The following FRMD5 variants were observed in gnomAD, a reference collection of about 807,000 sequenced individuals.
FRMD5 encodes FERM domain-containing protein 5.
FRMD5 carries 20 observed loss-of-function variants against 69.0 expected under a neutral mutation model. The observed-to-expected ratio is 0.29, with a 90% CI of 0.20 to 0.42. FRMD5 has a LOEUF of 0.42. Ranked by LOEUF, FRMD5 falls within the 10% of genes least tolerant of loss-of-function variation. FRMD5 has a pLI of 1.00. For synonymous variants in FRMD5, 271 were observed against 260.1 expected, an observed-to-expected ratio of 1.04 and a Z score of -0.40; for missense variants, 595 against 708.6, an observed-to-expected ratio of 0.84 and a Z score of 1.82.
intron 1 of FRMD5, among the ~76,000 whole-genome samples, chr15:43,959,068 A>G (rs1461914220): frequency 6.6e-6 from 1 of 152,218 alleles, no homozygotes; most frequent in Admixed American, 6.5e-5. Flanking sequence ...TCCCCCACAG[A>G]TTACTGTGCT....
chr15:44,007,777 C>G (rs900201921), intron 1 of FRMD5, among the ~76,000 whole-genome samples: 18 of 151,174 alleles, frequency 1.2e-4, no homozygotes, highest in African/African-American at 4.4e-4. Flanking sequence ...TCCCAAGTAG[C>G]TGGGATTATA....
At chr15:44,011,298 T>A (rs1437218126) in intron 1 of FRMD5, among the ~76,000 whole-genome samples, 1 of 151,250 alleles carries the variant, frequency 6.6e-6, no homozygotes, top group Non-Finnish European at 1.5e-5. Context: ...ATTAATACGG[T>A]AGTAGTGAAG....
intron 4 of FRMD5, among the ~76,000 whole-genome samples, chr15:43,915,301 A>G (rs1333748205): frequency 6.6e-6 from 1 of 152,228 alleles, no homozygotes; most frequent in African/African-American, 2.4e-5. Flanking sequence ...GACAGAGACC[A>G]TATGGCCCGA....
intron 4 of FRMD5, among the ~76,000 whole-genome samples, chr15:43,916,888 C>T (rs961510879): frequency 6.6e-6 from 1 of 151,664 alleles, no homozygotes; most frequent in African/African-American, 2.4e-5. Context: ...AAGCGATTCT[C>T]CTGTCTCAGC....
chr15:43,876,501 A>T (rs1188679539), intron 13 of FRMD5, among the ~76,000 whole-genome samples: 1 of 152,160 alleles, frequency 6.6e-6, no homozygotes, highest in East Asian at 1.9e-4. Context: ...GGCAACATAG[A>T]CACTGTAACT....
At chr15:44,129,009 A>C (rs1221933158) in intron 1 of FRMD5, among the ~76,000 whole-genome samples, 1 of 152,196 alleles carries the variant, frequency 6.6e-6, no homozygotes, top group Non-Finnish European at 1.5e-5. Flanking sequence ...TTACACAGTC[A>C]ACAGCACTGG....
At chr15:43,980,502 T>C (rs2090531963) in intron 1 of FRMD5, among the ~76,000 whole-genome samples, 1 of 152,234 alleles carries the variant, frequency 6.6e-6, no homozygotes. Context: ...TTAGATGCTT[T>C]CTTGCCTCTG....
intron 4 of FRMD5, among the ~76,000 whole-genome samples, chr15:43,912,863 CAAAA>C (rs566290726): frequency 1.4e-4 from 14 of 99,598 alleles, no homozygotes; most frequent in East Asian, 5.5e-4. Context: ...ACTAAAAATA[CAAAA>C]AAAAAAAAAA....
At chr15:43,919,363 A>G in intron 4 of FRMD5, 96 bp downstream of exon 4, 1 of 992,816 alleles carries the variant, frequency 1.0e-6, no homozygotes, top group Non-Finnish European at 1.6e-6. Flanking sequence ...TCTAAGAGTT[A>G]GGCGCTTCCA....
intron 1 of FRMD5, among the ~76,000 whole-genome samples, chr15:44,086,048 G>T (rs1260093057): frequency 6.6e-6 from 1 of 152,054 alleles, no homozygotes; most frequent in East Asian, 1.9e-4. Flanking sequence ...AACCAAGAGG[G>T]CCTGAAGACT....
At position 43,873,632 on chromosome 15, in the gene FRMD5, TGAGAAACA is replaced by T; in HGVS notation, c.*245_*252del. ...AAAATTATCCTGCAAATTGGAAAGA[TGAGAAACA>T]GAGTCGCTGAGCCTTTCTTGAAATA... On this transcript the variant is annotated 3_prime_UTR_variant, in exon 14 of 14. Coordinates refer to ENST00000417257, the MANE Select transcript of FRMD5 (RefSeq NM_032892.5). 1 of 1,475,582 alleles carries T rather than the reference TGAGAAACA, an allele frequency of 6.8e-7. No homozygotes were observed. The highest frequency in any genetic ancestry group is 8.9e-7 in the Non-Finnish European group (1 of 1,122,246). 91.4% of individuals were successfully genotyped at this position (1,475,582 alleles called of 1,614,324 possible). A position where few individuals can be genotyped will look rare whatever the true frequency, so the allele number is the denominator to read the frequency against.
chr15:43,972,075 AATATAT>A (rs140728846), intron 1 of FRMD5, among the ~76,000 whole-genome samples: 3 of 146,348 alleles, frequency 2.0e-5, no homozygotes, highest in Non-Finnish European at 3.0e-5. Flanking sequence ...CTTATATATA[AATATAT>A]ATATATATAA....
chr15:44,056,751 G>A (rs1260994758), intron 1 of FRMD5, among the ~76,000 whole-genome samples: 2 of 152,100 alleles, frequency 1.3e-5, no homozygotes, highest in Non-Finnish European at 2.9e-5. Flanking sequence ...CACTCTCTTG[G>A]CAAGTGTGTC....
Position 44,068,804 on chromosome 15 carries a change from G to A in FRMD5, c.102+126149C>T, listed in dbSNP as rs1893415464. ...AGCAAGTTTAGATGACCTGTATTTT[G>A]TTCCAGATCTATTCAGAATGGAATC... On this transcript the variant is annotated intron_variant, in intron 1 of 13. Transcript: ENST00000417257. Among the ~76,000 whole-genome samples the A allele has an allele frequency of 2.0e-5, 3 of 152,144 alleles. No homozygotes were observed. The South Asian group carries it at 6.2e-4, about 31-fold the overall frequency.
chr15:43,961,785 C>A (rs977158736), intron 1 of FRMD5, among the ~76,000 whole-genome samples: 11 of 152,144 alleles, frequency 7.2e-5, no homozygotes, highest in Non-Finnish European at 1.3e-4. Flanking sequence ...AGCATATAAA[C>A]AGAACCAAAG....
intron 1 of FRMD5, among the ~76,000 whole-genome samples, chr15:44,138,227 T>C (rs963294053): frequency 1.3e-5 from 2 of 151,784 alleles, no homozygotes; most frequent in Admixed American, 6.6e-5. Flanking sequence ...AAAATGAAAA[T>C]AATAAAACAA....
At chr15:44,177,698 G>A (rs906116340) in intron 1 of FRMD5, among the ~76,000 whole-genome samples, 1 of 152,188 alleles carries the variant, frequency 6.6e-6, no homozygotes, top group African/African-American at 2.4e-5. Flanking sequence ...ACCTTAAACA[G>A]ATGAACTTTA....
intron 1 of FRMD5, among the ~76,000 whole-genome samples, chr15:44,087,868 G>A (rs1449476896): frequency 6.6e-6 from 1 of 152,010 alleles, no homozygotes; most frequent in African/African-American, 2.4e-5. Flanking sequence ...ACTCTTTGGG[G>A]AATGCAAATA....
intron 6 of FRMD5, among the ~76,000 whole-genome samples, chr15:43,904,969 T>G (rs2089135843): frequency 1.3e-5 from 2 of 151,916 alleles, no homozygotes; most frequent in Admixed American, 6.6e-5. Flanking sequence ...GGGGCCTGAG[T>G]CAGGCGGGGC....
Sources: allele counts gnomAD v4.1 joint callset (sites outside exome capture counted in the v4.1 genomes callset), GRCh38; gene constraint gnomAD v4.1.1; transcripts MANE v1.5; gene names NCBI Gene and HGNC (gene_info 2026-07-23, HGNC 2026-07-21).